PDE7B: variants seen among roughly 807,000 people sequenced by gnomAD.
The protein encoded by PDE7B is 3',5'-cyclic-AMP phosphodiesterase 7B.
Under a neutral mutation model 56.2 loss-of-function variants are expected in PDE7B, and 29 were observed. The observed-to-expected ratio is 0.52, with a 90% CI of 0.38 to 0.70. The LOEUF (loss-of-function observed/expected upper bound fraction) is 0.70. Among genes scored for constraint, PDE7B ranks in the 30% least tolerant of loss-of-function variants. The probability of loss-of-function intolerance (pLI) is 0.00; values close to 1 mark genes in which losing one functional copy is unlikely to be tolerated. For synonymous variants in PDE7B, 197 were observed against 196.9 expected, an observed-to-expected ratio of 1.00 and a Z score of 0.00; for missense variants, 490 against 565.0, an observed-to-expected ratio of 0.87 and a Z score of 1.35.
intron 2 of PDE7B, chr6:136,038,047 G>A (rs775320850): frequency 4.5e-6 from 6 of 1,332,942 alleles, no homozygotes; most frequent in African/African-American, 1.5e-5. Context: ...GAAGTGAATC[G>A]CTCTCGTCGG....
At chr6:136,002,835 T>G (rs1041115150) in intron 2 of PDE7B, among the ~76,000 whole-genome samples, 4 of 151,970 alleles carry the variant, frequency 2.6e-5, no homozygotes, top group Non-Finnish European at 4.4e-5. Flanking sequence ...TGAACTCAGC[T>G]CTGCACCAAG....
chr6:136,137,277 A>T (rs1562502216), intron 3 of PDE7B, among the ~76,000 whole-genome samples: 1 of 152,126 alleles, frequency 6.6e-6, no homozygotes, highest in Non-Finnish European at 1.5e-5. Context: ...TTAAAAAAAA[A>T]ATTCCTATAA....
intron 2 of PDE7B, among the ~76,000 whole-genome samples, chr6:136,037,250 C>T (rs1486385685): frequency 1.3e-5 from 2 of 152,258 alleles, no homozygotes; most frequent in Admixed American, 6.5e-5. Flanking sequence ...GCCTGAGCCA[C>T]ATATCCAGGC....
At chr6:135,939,433 C>T (rs968359817) in intron 1 of PDE7B, among the ~76,000 whole-genome samples, 5 of 152,150 alleles carry the variant, frequency 3.3e-5, no homozygotes, top group African/African-American at 1.2e-4. Flanking sequence ...TAGTCTCTGA[C>T]GTTTTAACAG....
At chr6:136,105,720 A>T (rs1168682860) in intron 2 of PDE7B, among the ~76,000 whole-genome samples, 1 of 152,228 alleles carries the variant, frequency 6.6e-6, no homozygotes, top group Non-Finnish European at 1.5e-5. Context: ...AGGGTTACCC[A>T]AGATGGCAAA....
chr6:135,907,047 G>A (rs1776128836), intron 1 of PDE7B, among the ~76,000 whole-genome samples: 1 of 151,650 alleles, frequency 6.6e-6, no homozygotes, highest in South Asian at 2.1e-4. Flanking sequence ...GAAAGCAACT[G>A]ATGAATGCTG....
chr6:135,977,620 G>A (rs1210301803), intron 2 of PDE7B, among the ~76,000 whole-genome samples: 1 of 152,138 alleles, frequency 6.6e-6, no homozygotes, highest in Non-Finnish European at 1.5e-5. Context: ...ATTGGGCCAA[G>A]GTGGGGACCG....
intron 1 of PDE7B, among the ~76,000 whole-genome samples, chr6:135,866,898 G>A (rs958911036): frequency 6.6e-6 from 1 of 152,120 alleles, no homozygotes; most frequent in Non-Finnish European, 1.5e-5. Context: ...GCTATGCTAC[G>A]GTAAAATTCT....
chr6:136,143,576 A>G (rs1428181865), intron 3 of PDE7B, among the ~76,000 whole-genome samples: 5 of 152,094 alleles, frequency 3.3e-5, no homozygotes, highest in African/African-American at 1.2e-4. Context: ...GCATTCTGTC[A>G]TGTTGCTGAA....
intron 2 of PDE7B, among the ~76,000 whole-genome samples, chr6:136,019,388 AAAAG>A (rs1706431244): frequency 6.6e-6 from 1 of 152,212 alleles, no homozygotes; most frequent in African/African-American, 2.4e-5. Context: ...AGCTGAAAAA[AAAAG>A]AAGGAAAAAG....
intron 1 of PDE7B, among the ~76,000 whole-genome samples, chr6:135,881,341 CAAAA>C (rs34454603): frequency 7.5e-5 from 9 of 119,940 alleles, no homozygotes; most frequent in Admixed American, 1.7e-4. Context: ...ACTAAAAATA[CAAAA>C]AAAAAAAAAA....
chr6:136,075,020 A>T (rs939463843), intron 2 of PDE7B, among the ~76,000 whole-genome samples: 1 of 152,214 alleles, frequency 6.6e-6, no homozygotes, highest in Non-Finnish European at 1.5e-5. Context: ...ATGCAAGATC[A>T]TTCAATTGTT....
At chr6:136,120,345 C>T (rs2128443276) in intron 3 of PDE7B, among the ~76,000 whole-genome samples, 1 of 152,184 alleles carries the variant, frequency 6.6e-6, no homozygotes, top group East Asian at 1.9e-4. Flanking sequence ...AGACTGATGG[C>T]TGGAAAAGTG....
chr6:135,949,209 C>T (rs1330144217), intron 2 of PDE7B, among the ~76,000 whole-genome samples: 5 of 151,990 alleles, frequency 3.3e-5, no homozygotes, highest in Admixed American at 1.3e-4. Context: ...CAATGTTTAA[C>T]TCATGATAAT....
At chr6:136,175,427 C>T (rs1778961798) in intron 9 of PDE7B, among the ~76,000 whole-genome samples, 1 of 152,112 alleles carries the variant, frequency 6.6e-6, no homozygotes, top group African/African-American at 2.4e-5. Context: ...GGGCCAAAAA[C>T]AGGAGACTTT....
chr6:136,013,116 A>G (rs1002861834), intron 2 of PDE7B, among the ~76,000 whole-genome samples: 1 of 152,216 alleles, frequency 6.6e-6, no homozygotes, highest in African/African-American at 2.4e-5. Flanking sequence ...GAGAATTACA[A>G]TAGTCAGAGG....
intron 1 of PDE7B, among the ~76,000 whole-genome samples, chr6:135,872,223 C>T (rs983323552): frequency 6.6e-6 from 1 of 152,142 alleles, no homozygotes; most frequent in African/African-American, 2.4e-5. Context: ...AATTTGCCTC[C>T]AGAAAGTAAT....
rs1406970493 is a variant in PDE7B at position 135,851,865 on chromosome 6, T to C, written c.-134T>C. 9 of 609,226 alleles carry C rather than the reference T, an allele frequency of 1.5e-5. No individual in the cohort carries two copies. Among genetic ancestry groups the C allele is most frequent in the African/African-American group, 7.5e-5 (4 of 53,442 alleles). 37.7% of individuals were successfully genotyped at this position (609,226 alleles called of 1,614,324 possible). A position where few individuals can be genotyped will look rare whatever the true frequency, so the allele number is the denominator to read the frequency against. On this transcript the variant is annotated 5_prime_UTR_variant, in exon 1 of 13. Transcript: ENST00000308191. ...TTTCTTTTCCTTTTTTTTCTTTTTT[T>C]TTTTTTGTTACTTAATTATATTCCT...
At chr6:135,928,291 A>G (rs982976525) in intron 1 of PDE7B, among the ~76,000 whole-genome samples, 1 of 151,106 alleles carries the variant, frequency 6.6e-6, no homozygotes, top group Non-Finnish European at 1.5e-5. Context: ...ACTACTGGGT[A>G]TCTACACAAA....
Sources: allele counts gnomAD v4.1 joint callset (sites outside exome capture counted in the v4.1 genomes callset), GRCh38; gene constraint gnomAD v4.1.1; transcripts MANE v1.5; gene names NCBI Gene and HGNC (gene_info 2026-07-23, HGNC 2026-07-21).